The following RIMKLB variants were observed in gnomAD, a reference collection of about 807,000 sequenced individuals.
The protein encoded by RIMKLB is ribosomal modification protein rimK like family member B, also known as beta-citrylglutamate synthase B.
Under a neutral mutation model 32.0 loss-of-function variants are expected in RIMKLB, and 7 were observed. The ratio of observed to expected loss-of-function variants is 0.22; its 90% CI spans 0.12 to 0.41. The LOEUF is 0.41. Ranked by LOEUF, RIMKLB falls within the 10% of genes least tolerant of loss-of-function variation. The pLI is 1.00. For synonymous variants in RIMKLB, 172 were observed against 185.1 expected (o/e 0.93, Z 0.57); for missense variants, 289 against 498.7 (o/e 0.58, Z 4.00).
Position 8,774,473 on chromosome 12 carries a change from A to G in RIMKLB, c.*689A>G, listed in dbSNP as rs1950612244. On this transcript the variant is annotated 3_prime_UTR_variant, in exon 6 of 6. Transcript: ENST00000535829. ...ATGTCCGGTATACAAAATAACATTA[A>G]TTCAATGTAGATAAAATTACACTAG... is the stretch of plus-strand genomic sequence containing the variant. 1.0e-6 allele frequency: 1 copy of G among 984,724 alleles called. No homozygotes were observed. The highest frequency in any genetic ancestry group is 1.7e-5 in the African/African-American group (1 of 57,336). The allele number at this position is 984,724 out of a possible 1,614,324, so 61.0% of individuals were successfully genotyped here. A position where few individuals can be genotyped will look rare whatever the true frequency, so the allele number is the denominator to read the frequency against.
intron 1 of RIMKLB, among the ~76,000 whole-genome samples, chr12:8,701,002 G>GT (rs1394369181): frequency 6.6e-6 from 1 of 152,064 alleles, no homozygotes. Flanking sequence ...GGAGGTGGAG[G>GT]TTGCGGTGAG....
At chr12:8,740,708 A>G (rs925565714) in intron 2 of RIMKLB, among the ~76,000 whole-genome samples, 3 of 152,220 alleles carry the variant, frequency 2.0e-5, no homozygotes, top group African/African-American at 7.2e-5. Flanking sequence ...TGTTTTCTCT[A>G]CAATTGACAT....
At chr12:8,703,665 T>C (rs1457170446) in intron 1 of RIMKLB, among the ~76,000 whole-genome samples, 1 of 152,108 alleles carries the variant, frequency 6.6e-6, no homozygotes, top group Non-Finnish European at 1.5e-5. Context: ...AGCAATCCTT[T>C]TGCTTCAGAC....
rs775849283 is a variant in RIMKLB at position 8,732,756 on chromosome 12, T to TACACACACACACACAC, written c.176-17095_176-17080dup. ...CATGCAACAGAAAATTATATATATATACACACACACACACACACACACACA... is the reference window on the plus strand; with the variant it reads ...CATGCAACAGAAAATTATATATATATACACACACACACACACACACACACACACACACACACACACA... On this transcript the variant is annotated intron_variant, in intron 2 of 5. Transcript: ENST00000535829. Among the ~76,000 whole-genome samples the TACACACACACACACAC allele has an allele frequency of 3.0e-3, 448 of 150,094 alleles. 6 individuals carry two copies. Among genetic ancestry groups the TACACACACACACACAC allele is most frequent in the African/African-American group, 0.011 (427 of 40,272 alleles).
rs144913767 is a variant in RIMKLB at position 8,726,218 on chromosome 12, G to A, written c.175+12177G>A. On this transcript the variant is annotated intron_variant, in intron 2 of 5. Transcript: ENST00000535829. ...TGTTGCACATCCTCTTCATTGTTTCGTGTTGTCAGCGTTCTGGATTTTGGC... is the reference window on the plus strand; with the variant it reads ...TGTTGCACATCCTCTTCATTGTTTCATGTTGTCAGCGTTCTGGATTTTGGC... Among the ~76,000 whole-genome samples, 633 of 152,286 alleles carry A rather than the reference G, an allele frequency of 4.2e-3. 9 individuals are homozygous for A. The highest frequency in any genetic ancestry group is 0.014 in the African/African-American group (594 of 41,562).
the RIMKLB span, among the ~76,000 whole-genome samples, chr12:8,671,549 T>C: frequency 6.6e-6 from 1 of 151,776 alleles, no homozygotes; most frequent in Non-Finnish European, 1.5e-5. Context: ...CGCACCCAGC[T>C]GGGTTTTTCT....
In RIMKLB at chr12:8,774,773, T is replaced by G. The variant is rs945987701; in HGVS notation, c.*989T>G. 3.0e-6 allele frequency: 3 copies of G among 985,596 alleles called. No individual in the cohort carries two copies. The highest frequency in any genetic ancestry group is 1.7e-5 in the African/African-American group (1 of 57,240). 61.1% of individuals were successfully genotyped at this position (985,596 alleles called of 1,614,324 possible). A position where few individuals can be genotyped will look rare whatever the true frequency, so the allele number is the denominator to read the frequency against. On this transcript the variant is annotated 3_prime_UTR_variant, in exon 6 of 6. Transcript: ENST00000535829. The stretch of plus-strand genomic sequence containing the variant: ...AAATAAGGACAAGGAAAAATATTTT[T>G]GGGGGCAAATCAAGAGCCTATGAGT...
intron 2 of RIMKLB, among the ~76,000 whole-genome samples, chr12:8,720,664 C>G (rs753689768): frequency 3.1e-4 from 47 of 152,224 alleles, no homozygotes; most frequent in Non-Finnish European, 4.9e-4. Flanking sequence ...CTCAGCCTCC[C>G]GAGTAGCTGG....
downstream of RIMKLB, chr12:8,780,149 T>G (rs1227271409): frequency 6.6e-6 from 1 of 152,230 alleles, no homozygotes; most frequent in African/African-American, 2.4e-5. Context: ...TAGAATTACT[T>G]TAAAAAACTT....
intron 1 of RIMKLB, among the ~76,000 whole-genome samples, chr12:8,705,621 C>A (rs11046868): frequency 0.033 from 5,099 of 152,212 alleles, 295 homozygotes; most frequent in African/African-American, 0.12. Context: ...ATAGGTATAT[C>A]AGTCAGGGTT....
At chr12:8,756,854 G>A (rs931512955) in intron 5 of RIMKLB, among the ~76,000 whole-genome samples, 1 of 151,858 alleles carries the variant, frequency 6.6e-6, no homozygotes, top group African/African-American at 2.4e-5. Context: ...CCAATGCTGG[G>A]CTAATTTTTG....
Position 8,775,175 on chromosome 12 carries a change from T to G in RIMKLB, c.*1391T>G. The G allele has an allele frequency of 2.0e-6, 2 of 985,826 alleles. No homozygotes were observed. Among genetic ancestry groups the G allele is most frequent in the Non-Finnish European group, 2.4e-6 (2 of 829,908 alleles). 61.1% of individuals were successfully genotyped at this position (985,826 alleles called of 1,614,324 possible). On this transcript the variant is annotated 3_prime_UTR_variant, in exon 6 of 6. Transcript: ENST00000535829. ...AAGGCTACATGCTTTTCTTTAATGC[T>G]TCTGGCTATGCATTTTCTCTTTTTA...
rs1013524098 is a variant in RIMKLB, at chr12:8,731,204, C to G, written c.175+17163C>G. ...CTCTGACTCTTGGGTTCAAGTGATT[C>G]TCCTGCCTCAGCCTCTTGAGTAGCT... On this transcript the variant is annotated intron_variant, in intron 2 of 5. Transcript: ENST00000535829. 5.3e-5 allele frequency among the ~76,000 whole-genome samples: 8 copies of G among 151,204 alleles called. No homozygotes were observed. The East Asian group carries it at 7.7e-4, about 15-fold the overall frequency.
At chr12:8,734,845 A>C (rs1385191462) in intron 2 of RIMKLB, among the ~76,000 whole-genome samples, 1 of 152,176 alleles carries the variant, frequency 6.6e-6, no homozygotes, top group Admixed American at 6.5e-5. Flanking sequence ...GGAGAAAGTA[A>C]TAAATGCCAA....
At chr12:8,682,283 T>G (rs962825477) in intron 1 of RIMKLB, among the ~76,000 whole-genome samples, 1 of 152,190 alleles carries the variant, frequency 6.6e-6, no homozygotes, top group Non-Finnish European at 1.5e-5. Context: ...ACTGCTTTTC[T>G]TTCCAAGGGG....
At chr12:8,769,426 G>T (rs941991457) in intron 5 of RIMKLB, among the ~76,000 whole-genome samples, 1 of 152,104 alleles carries the variant, frequency 6.6e-6, no homozygotes, top group African/African-American at 2.4e-5. Context: ...TCTATAAGCA[G>T]TATATAGCTA....
At chr12:8,748,565 T>TGC (rs1948343533) in intron 2 of RIMKLB, among the ~76,000 whole-genome samples, 1 of 147,522 alleles carries the variant, frequency 6.8e-6, no homozygotes, top group Non-Finnish European at 1.5e-5. Context: ...TGTGCATATA[T>TGC]ATATATACAC....
chr12:8,779,360 T>G (rs1454606886), downstream of RIMKLB: 3 of 152,300 alleles, frequency 2.0e-5, no homozygotes, highest in Non-Finnish European at 4.4e-5. Context: ...TGTTGTTGTT[T>G]TAGGTTTCAG....
intron 2 of RIMKLB, among the ~76,000 whole-genome samples, chr12:8,740,137 C>G (rs1947367870): frequency 6.6e-6 from 1 of 152,152 alleles, no homozygotes; most frequent in East Asian, 1.9e-4. Context: ...GACTCCTCAC[C>G]TCAAGTGGTC....
Sources: gnomAD v4.1 joint callset for allele counts (sites outside exome capture counted in the v4.1 genomes callset) on GRCh38, gnomAD v4.1.1 for gene constraint, MANE v1.5 for transcripts, NCBI Gene and HGNC (gene_info 2026-07-23, HGNC 2026-07-21) for gene names.